Variants in ASPH observed in about 807,000 individuals in gnomAD.
The protein encoded by ASPH is aspartyl/asparaginyl beta-hydroxylase.
In ASPH, 100 loss-of-function variants were observed where a neutral mutation model predicts 118.4. The observed-to-expected ratio is 0.84, with a 90% CI of 0.72 to 1.00. ASPH has a LOEUF of 1.00. ASPH is among the 50% of genes least tolerant of loss of function. ASPH has a pLI of 0.00. For missense variants in ASPH, 920 were observed against 919.5 expected (o/e 1.00, Z -0.01); for synonymous variants, 315 against 325.6 (o/e 0.97, Z 0.35).
At chr8:61,580,414 G>C (rs142959049) in intron 15 of ASPH, among the ~76,000 whole-genome samples, 2,557 of 152,290 alleles carry the variant, frequency 0.017, 30 homozygotes, top group South Asian at 0.04. Flanking sequence ...TCTAGGCAGA[G>C]GTTCCCAAAC....
intron 20 of ASPH, among the ~76,000 whole-genome samples, chr8:61,552,580 A>G (rs1314430765): frequency 6.6e-6 from 1 of 152,232 alleles, no homozygotes; most frequent in Non-Finnish European, 1.5e-5. Context: ...AACTACTTTT[A>G]AAAGTCCAAA....
At position 61,687,797 on chromosome 8, in the gene ASPH, A is replaced by G. The variant is rs561851766; in HGVS notation, c.104-3609T>C. On this transcript the variant is annotated intron_variant, in intron 1 of 24. Transcript: ENST00000379454. ...AGAGATTTATCACTTTAAAAGCTAA[A>G]TGTTTCTTAACTAGAATATATTATC... The G allele has an allele frequency of 2.6e-5, 4 of 152,316 alleles. No homozygotes were observed. The East Asian group carries it at 7.7e-4, about 29-fold the overall frequency. 9.4% of individuals were successfully genotyped at this position (152,316 alleles called of 1,614,324 possible).
Position 61,714,333 on chromosome 8 carries a change from G to A in ASPH, c.39C>T (p.Ser13=), listed in dbSNP as rs1206029465. The part of the protein sequence containing the change: ...QRKNAKSSGN[S]SSSGSGSGST... ...TACCGCTGCCGGAGCCGCTGCTGCT[G>A]CTGTTGCCGCTGCTCTTGGCATTCT... is the stretch of plus-strand genomic sequence containing the variant. The change falls in exon 1 of 25, where the codon AGC becomes AGT. Residue 13 remains serine (S), a synonymous_variant. Coordinates refer to ENST00000379454, the MANE Select transcript of ASPH (RefSeq NM_004318.4). 6 of 1,518,370 alleles carry A rather than the reference G, an allele frequency of 4.0e-6. No homozygotes were observed. Among genetic ancestry groups the A allele is most frequent in the Admixed American group, 2.1e-5 (1 of 47,480 alleles). The allele number at this position is 1,518,370 out of a possible 1,614,324, so 94.1% of individuals were successfully genotyped here.
At chr8:61,678,476 A>C (rs1826412638) in intron 3 of ASPH, among the ~76,000 whole-genome samples, 1 of 152,110 alleles carries the variant, frequency 6.6e-6, no homozygotes, top group Non-Finnish European at 1.5e-5. Flanking sequence ...GGCCAGAAAT[A>C]ACCAAATAAT....
At chr8:61,664,410 G>T (rs1304427483) in intron 3 of ASPH, 5 of 976,096 alleles carry the variant, frequency 5.1e-6, no homozygotes, top group Non-Finnish European at 6.1e-6. Flanking sequence ...AGACTATAAA[G>T]GTATCATAAA....
At chr8:61,627,386 C>T (rs192040003) in intron 13 of ASPH, among the ~76,000 whole-genome samples, 192 of 152,268 alleles carry the variant, frequency 1.3e-3, no homozygotes, top group African/African-American at 4.3e-3. Flanking sequence ...AACTAATCTA[C>T]GATGATCCAG....
At chr8:61,705,611 G>A (rs1355291638) in intron 1 of ASPH, among the ~76,000 whole-genome samples, 1 of 152,210 alleles carries the variant, frequency 6.6e-6, no homozygotes, top group Non-Finnish European at 1.5e-5. Flanking sequence ...TGCCTCTGGT[G>A]GCAGAGGTGG....
chr8:61,500,852 T>TTTG lies in ASPH; in HGVS notation c.*2504_*2506dup, dbSNP rs759590717. 1 of 152,210 alleles carries TTTG rather than the reference T, an allele frequency of 6.6e-6. No homozygotes were observed. Among genetic ancestry groups the TTTG allele is most frequent in the Non-Finnish European group, 1.5e-5 (1 of 68,038 alleles). The allele number at this position is 152,210 out of a possible 1,614,324, so 9.4% of individuals were successfully genotyped here. A position where few individuals can be genotyped will look rare whatever the true frequency, so the allele number is the denominator to read the frequency against. ...TATTTTAAATATTTGGGAGAGTTAA[T>TTTG]TTGTTAGCTAAATAATTCAAGGGAA... On this transcript the variant is annotated 3_prime_UTR_variant, in exon 25 of 25. Coordinates refer to ENST00000379454, the MANE Select transcript of ASPH (RefSeq NM_004318.4).
In ASPH at chr8:61,525,990, C is replaced by T. The variant is rs374999948; in HGVS notation, c.1887G>A (p.Thr629=). 40 of 1,613,762 alleles carry T rather than the reference C, an allele frequency of 2.5e-5. No individual in the cohort carries two copies. Among genetic ancestry groups the T allele is most frequent in the South Asian group, 4.4e-5 (4 of 91,086 alleles). The change falls in exon 22 of 25, where the codon ACG becomes ACA. Residue 629 remains threonine, a synonymous_variant. Coordinates refer to ENST00000379454, the MANE Select transcript of ASPH (RefSeq NM_004318.4). ...LREKGDWSQF[T]LWQQGRRNEN... ...TCAGAAACTCACCTTGCTGCCACAG[C>T]GTGAACTGGCTCCAGTCCCCTTTTT... is the stretch of plus-strand genomic sequence containing the variant.
intron 14 of ASPH, among the ~76,000 whole-genome samples, chr8:61,602,540 A>G (rs577824229): frequency 2.0e-5 from 3 of 151,556 alleles, no homozygotes; most frequent in South Asian, 2.1e-4. Context: ...CCCAAGATCA[A>G]GAAAAAGACA....
chr8:61,642,801 T>G (rs1306616005), intron 10 of ASPH, 87 bp downstream of exon 10: 18 of 1,178,486 alleles, frequency 1.5e-5, no homozygotes, highest in Non-Finnish European at 1.8e-5. Context: ...GCCAAGATTG[T>G]GCCACTGCAC....
chr8:61,578,378 C>A (rs1836083402), intron 15 of ASPH: 1 of 1,605,074 alleles, frequency 6.2e-7, no homozygotes, highest in Non-Finnish European at 8.5e-7. Flanking sequence ...TGGGAGGCGG[C>A]TATAGTGGGG....
chr8:61,559,963 C>G (rs1052451820), intron 18 of ASPH, among the ~76,000 whole-genome samples: 3 of 152,024 alleles, frequency 2.0e-5, no homozygotes, highest in African/African-American at 7.2e-5. Context: ...CAAGCTAGGA[C>G]AGGATAAACC....
intron 3 of ASPH, among the ~76,000 whole-genome samples, chr8:61,677,207 C>A (rs1210245525): frequency 6.6e-6 from 1 of 152,084 alleles, no homozygotes; most frequent in African/African-American, 2.4e-5. Context: ...CCCAAACAGG[C>A]CTTAGGATAG....
intron 1 of ASPH, among the ~76,000 whole-genome samples, chr8:61,705,933 C>T (rs546330177): frequency 2.6e-5 from 4 of 152,264 alleles, no homozygotes; most frequent in Non-Finnish European, 5.9e-5. Context: ...AAATGTTAAC[C>T]GCTGTAGCAT....
chr8:61,699,688 AG>A (rs1834780935), intron 1 of ASPH, among the ~76,000 whole-genome samples: 1 of 152,194 alleles, frequency 6.6e-6, no homozygotes, highest in Non-Finnish European at 1.5e-5. Flanking sequence ...AGTATTATAG[AG>A]GAAGGCACAT....
rs11786468 is a variant in ASPH, at chr8:61,702,354, G to C, written c.103+11915C>G. Reference sequence around the variant, plus strand: ...GCCTGGAGTGCAGTGGTGCAATCTTGGCTCACTGCAAGCTCCGCCTCCCGG... The same window carrying C: ...GCCTGGAGTGCAGTGGTGCAATCTTCGCTCACTGCAAGCTCCGCCTCCCGG... On this transcript the variant is annotated intron_variant, in intron 1 of 24. Transcript: ENST00000379454. 7.7e-3 allele frequency among the ~76,000 whole-genome samples: 1,105 copies of C among 143,048 alleles called. 12 individuals carry two copies. The highest frequency in any genetic ancestry group is 0.013 in the Non-Finnish European group (843 of 67,030). 93.8% of individuals were successfully genotyped at this position (143,048 alleles called of 152,430 possible).
intron 14 of ASPH, among the ~76,000 whole-genome samples, chr8:61,595,618 G>T (rs537116457): frequency 6.6e-6 from 1 of 152,268 alleles, no homozygotes; most frequent in African/African-American, 2.4e-5. Flanking sequence ...AGGTAATAAA[G>T]GTCAGTGATC....
intron 18 of ASPH, among the ~76,000 whole-genome samples, chr8:61,560,406 T>G (rs1829405447): frequency 6.6e-6 from 1 of 152,206 alleles, no homozygotes; most frequent in Non-Finnish European, 1.5e-5. Flanking sequence ...TTTTTATAAA[T>G]GTACTCAAAA....
Sources: allele counts gnomAD v4.1 joint callset (sites outside exome capture counted in the v4.1 genomes callset), GRCh38; gene constraint gnomAD v4.1.1; transcripts MANE v1.5; gene names NCBI Gene and HGNC (gene_info 2026-07-23, HGNC 2026-07-21).